SORCS3: variants seen among roughly 807,000 people sequenced by gnomAD.
SORCS3 encodes VPS10 domain-containing receptor SorCS3.
A neutral mutation model predicts 146.3 loss-of-function variants in SORCS3; 57 were observed. That is an observed-to-expected ratio of 0.39 (90% CI 0.31 to 0.49). The LOEUF is 0.49. SORCS3 is among the 20% of genes least tolerant of loss of function. SORCS3 has a pLI of 0.92. For synonymous variants in SORCS3, 653 were observed against 618.5 expected, an observed-to-expected ratio of 1.06 and a Z score of -0.83; for missense variants, 1,341 against 1,575.5, an observed-to-expected ratio of 0.85 and a Z score of 2.52.
rs1224339709 is a variant in SORCS3 at position 105,200,014 on chromosome 10, C to T, written c.2025C>T (p.Phe675=). 1 of 1,613,532 alleles carries T rather than the reference C, an allele frequency of 6.2e-7. No homozygotes were observed. Among genetic ancestry groups the T allele is most frequent in the Non-Finnish European group, 8.5e-7 (1 of 1,179,582 alleles). ...ETHIMTVFGH[F]SLRSEWQLVK... is the part of the protein sequence containing the mutation. ...AAACACTTAGAGTTTTTGGCCACTT[C>T]AGCCTCCGCTCCGAATGGCAATTGG... The change falls in exon 15 of 27, where the codon TTC becomes TTT. Residue 675 remains phenylalanine (F), a synonymous_variant. Transcript: ENST00000369701.
At chr10:105,025,898 T>C (rs1230433339) in intron 4 of SORCS3, among the ~76,000 whole-genome samples, 1 of 143,854 alleles carries the variant, frequency 7.0e-6, no homozygotes, top group South Asian at 2.2e-4. Flanking sequence ...AACAAGTTAA[T>C]GCATGCAAAT....
intron 4 of SORCS3, among the ~76,000 whole-genome samples, chr10:105,018,491 G>C (rs1354013356): frequency 6.6e-6 from 1 of 152,194 alleles, no homozygotes; most frequent in Non-Finnish European, 1.5e-5. Flanking sequence ...AGGGCAATTA[G>C]GGGTTGCTGG....
chr10:104,651,346 T>C (rs2015555910), intron 1 of SORCS3, among the ~76,000 whole-genome samples: 1 of 152,130 alleles, frequency 6.6e-6, no homozygotes, highest in Non-Finnish European at 1.5e-5. Flanking sequence ...ATGATAATAC[T>C]GGAATTGCAG....
chr10:104,884,157 A>G (rs745323062), intron 2 of SORCS3, among the ~76,000 whole-genome samples: 7 of 152,246 alleles, frequency 4.6e-5, no homozygotes, highest in Non-Finnish European at 1.0e-4. Context: ...TGGCAGGCCA[A>G]GTCAAACATT....
At chr10:104,731,570 C>G (rs1320606047) in intron 1 of SORCS3, among the ~76,000 whole-genome samples, 1 of 152,192 alleles carries the variant, frequency 6.6e-6, no homozygotes, top group Non-Finnish European at 1.5e-5. Context: ...CTTTAGTCTA[C>G]CTTCCAGACT....
intron 5 of SORCS3, among the ~76,000 whole-genome samples, chr10:105,055,174 GT>G (rs1208525140): frequency 1.3e-5 from 2 of 152,068 alleles, no homozygotes; most frequent in Non-Finnish European, 2.9e-5. Context: ...TGAATGTTCA[GT>G]TTTGGTGCTA....
chr10:105,040,573 T>C (rs1421223279), intron 4 of SORCS3, among the ~76,000 whole-genome samples: 2 of 152,166 alleles, frequency 1.3e-5, no homozygotes, highest in Non-Finnish European at 2.9e-5. Flanking sequence ...GCCCCAATTT[T>C]CCCTTTGACA....
intron 1 of SORCS3, among the ~76,000 whole-genome samples, chr10:104,770,741 G>T (rs2017238814): frequency 6.6e-6 from 1 of 152,128 alleles, no homozygotes; most frequent in African/African-American, 2.4e-5. Context: ...GCTGAGGCCG[G>T]TGGATGATTT....
intron 5 of SORCS3, among the ~76,000 whole-genome samples, chr10:105,054,047 T>G (rs913785207): frequency 6.6e-6 from 1 of 152,122 alleles, no homozygotes; most frequent in Non-Finnish European, 1.5e-5. Flanking sequence ...TGGGTTTTCC[T>G]TGTTTTAATT....
intron 3 of SORCS3, among the ~76,000 whole-genome samples, chr10:104,959,796 A>G (rs964397684): frequency 2.0e-5 from 3 of 152,174 alleles, no homozygotes; most frequent in Non-Finnish European, 4.4e-5. Flanking sequence ...GCACAGACCA[A>G]CCAAGTGCTT....
intron 25 of SORCS3, among the ~76,000 whole-genome samples, chr10:105,258,247 C>G (rs1029462197): frequency 4.6e-5 from 7 of 152,196 alleles, no homozygotes; most frequent in African/African-American, 1.7e-4. Context: ...AGTTCATGTC[C>G]TCTTGGATCA....
At position 105,136,242 on chromosome 10, in the gene SORCS3, C is replaced by T. The variant is rs1484978781; in HGVS notation, c.1213-3155C>T. Among the ~76,000 whole-genome samples the T allele has an allele frequency of 2.6e-5, 4 of 152,248 alleles. No individual in the cohort carries two copies. In the East Asian group the frequency reaches 5.8e-4, roughly 22 times the overall value. On this transcript the variant is annotated intron_variant, in intron 7 of 26. Transcript: ENST00000369701. ...CTGCAGGTTTGATGTCTGATGAGGGCTTGGTCTTTGTTTCTAAGATGGTGC... is the reference window on the plus strand; with the variant it reads ...CTGCAGGTTTGATGTCTGATGAGGGTTTGGTCTTTGTTTCTAAGATGGTGC...
intron 2 of SORCS3, among the ~76,000 whole-genome samples, chr10:104,915,459 G>A (rs934159697): frequency 3.5e-5 from 5 of 142,010 alleles, no homozygotes; most frequent in Middle Eastern, 3.9e-3. Flanking sequence ...CACAACTCCC[G>A]TATAGAGGGT....
chr10:105,054,699 C>T (rs539201351), intron 5 of SORCS3, among the ~76,000 whole-genome samples: 40 of 152,028 alleles, frequency 2.6e-4, no homozygotes, highest in African/African-American at 9.2e-4. Context: ...TAGGAGCCCT[C>T]GAGGTCTCAA....
chr10:104,813,952 G>A (rs2017768060), intron 1 of SORCS3, among the ~76,000 whole-genome samples: 1 of 149,070 alleles, frequency 6.7e-6, no homozygotes, highest in African/African-American at 2.5e-5. Flanking sequence ...TTTTTGCCAG[G>A]GGGTGTGGTC....
intron 3 of SORCS3, among the ~76,000 whole-genome samples, chr10:104,928,595 G>A (rs137971676): frequency 1.3e-4 from 19 of 151,754 alleles, no homozygotes; most frequent in Admixed American, 2.6e-4. Flanking sequence ...CCCCCAGTTC[G>A]TGCCCCCATT....
chr10:105,079,209 G>T, intron 5 of SORCS3, among the ~76,000 whole-genome samples: 1 of 152,184 alleles, frequency 6.6e-6, no homozygotes, highest in Middle Eastern at 3.2e-3. Context: ...GATGCTAGCT[G>T]CTACAATCAG....
At chr10:105,247,734 C>A (rs1404389756) in intron 22 of SORCS3, among the ~76,000 whole-genome samples, 1 of 134,476 alleles carries the variant, frequency 7.4e-6, no homozygotes, top group Non-Finnish European at 1.6e-5. Flanking sequence ...AGTGACAGAG[C>A]AAGATTCTGT....
At chr10:105,070,372 A>G (rs2055548866) in intron 5 of SORCS3, among the ~76,000 whole-genome samples, 3 of 152,238 alleles carry the variant, frequency 2.0e-5, no homozygotes, top group African/African-American at 7.2e-5. Context: ...TTCTGATTTT[A>G]TACCACCTCG....
Sources: gnomAD v4.1 joint callset for allele counts (sites outside exome capture counted in the v4.1 genomes callset) on GRCh38, gnomAD v4.1.1 for gene constraint, MANE v1.5 for transcripts, NCBI Gene and HGNC (gene_info 2026-07-23, HGNC 2026-07-21) for gene names.